Variants in GLIS3 observed in about 807,000 individuals in gnomAD.
GLIS3 encodes zinc finger protein GLIS3.
A neutral mutation model predicts 78.6 loss-of-function variants in GLIS3; 53 were observed. The observed-to-expected ratio is 0.67, with a 90% CI of 0.54 to 0.85. The LOEUF (loss-of-function observed/expected upper bound fraction) is 0.85, where lower values mean the gene tolerates loss of function less well. GLIS3 is among the 40% of genes least tolerant of loss of function. The probability of loss-of-function intolerance (pLI) is 0.00; values close to 1 mark genes in which losing one functional copy is unlikely to be tolerated. For synonymous variants in GLIS3, 684 were observed against 509.9 expected (o/e 1.34, Z -4.60); for missense variants, 1,703 against 1,231.1 (o/e 1.38, Z -5.74).
At chr9:4,384,310 A>T in the GLIS3 span, among the ~76,000 whole-genome samples, 4 of 151,426 alleles carry the variant, frequency 2.6e-5, no homozygotes, top group South Asian at 4.2e-4. Flanking sequence ...TTTAGATAAT[A>T]CTGTTCAGTT....
intron 4 of GLIS3, among the ~76,000 whole-genome samples, chr9:4,064,805 G>C (rs1168652203): frequency 6.6e-6 from 1 of 152,154 alleles, no homozygotes; most frequent in Non-Finnish European, 1.5e-5. Context: ...TTCTCATATA[G>C]GGAAGTAGGC....
At chr9:4,132,046 T>C (rs1401867643) in intron 2 of GLIS3, among the ~76,000 whole-genome samples, 1 of 151,228 alleles carries the variant, frequency 6.6e-6, no homozygotes, top group Non-Finnish European at 1.5e-5. Context: ...GCCAATGTTT[T>C]TTTTAAAAAA....
intron 4 of GLIS3, among the ~76,000 whole-genome samples, chr9:4,006,304 CAAAAAAAA>C (rs71497513): frequency 1.2e-4 from 4 of 32,548 alleles, no homozygotes; most frequent in African/African-American, 2.0e-4. Context: ...TCATATGTCT[CAAAAAAAA>C]AAAAAAAAAA....
intron 4 of GLIS3, among the ~76,000 whole-genome samples, chr9:4,034,175 C>T (rs1284810475): frequency 6.6e-6 from 1 of 152,044 alleles, no homozygotes. Context: ...TCTCAGTGAT[C>T]ACACCACTTG....
At position 4,107,799 on chromosome 9, in the gene GLIS3, C is replaced by T. The variant is rs538126730; in HGVS notation, c.1710+9969G>A. On this transcript the variant is annotated intron_variant, in intron 4 of 10. Coordinates refer to ENST00000381971, the MANE Select transcript of GLIS3 (RefSeq NM_001042413.2). Reference sequence around the variant, plus strand: ...GCATCATTTTCTGAGGAGCCAGAGACAACAAACTGTTCTTTTCTTTCCTAT... The same window carrying T: ...GCATCATTTTCTGAGGAGCCAGAGATAACAAACTGTTCTTTTCTTTCCTAT... Among the ~76,000 whole-genome samples, 4 of 150,498 alleles carry T rather than the reference C, an allele frequency of 2.7e-5. No individual in the cohort carries two copies. The East Asian group carries it at 7.8e-4, about 29-fold the overall frequency.
rs780898395 is a variant in GLIS3, at chr9:4,117,862, G to A, written c.1616C>T (p.Ala539Val). The change falls in exon 4 of 11, where the codon GCC becomes GTC. Residue 539 changes from alanine (A) to valine (V), a missense_variant. Ala to Val is a moderately conservative substitution (Grantham distance 64, BLOSUM62 0). Transcript: ENST00000381971. ...GGGCTTGTATCTTCGAGGGCAACCG[G>A]CCCAGAAGCAAGTGAAGTCCTCCCC... ...RKGEDFTCFW[A>V]GCPRRYKPFN... 2.5e-6 allele frequency: 4 copies of A among 1,614,006 alleles called. No homozygotes were observed. Among genetic ancestry groups the A allele is most frequent in the African/African-American group, 1.3e-5 (1 of 74,914 alleles).
At chr9:4,418,709 C>CAA in the GLIS3 span, among the ~76,000 whole-genome samples, 3 of 150,556 alleles carry the variant, frequency 2.0e-5, no homozygotes, top group African/African-American at 7.3e-5. Context: ...AAAAAACAAA[C>CAA]AAAAAAAAAC....
intron 6 of GLIS3, among the ~76,000 whole-genome samples, chr9:3,913,065 C>T (rs948128147): frequency 2.0e-5 from 3 of 152,126 alleles, no homozygotes; most frequent in African/African-American, 7.2e-5. Context: ...TCCATCTTAC[C>T]AGCTCCGTAT....
intron 4 of GLIS3, among the ~76,000 whole-genome samples, chr9:4,063,089 C>CAA (rs57159762): frequency 8.7e-5 from 13 of 149,422 alleles, no homozygotes; most frequent in African/African-American, 3.2e-4. Flanking sequence ...TCCATATCTG[C>CAA]AAAAAAAAAC....
At chr9:3,984,524 A>T (rs1221134262) in intron 4 of GLIS3, among the ~76,000 whole-genome samples, 1 of 152,162 alleles carries the variant, frequency 6.6e-6, no homozygotes, top group African/African-American at 2.4e-5. Flanking sequence ...CTGTACCCCC[A>T]TCATATCTAG....
chr9:4,004,656 T>C (rs969677950), intron 4 of GLIS3, among the ~76,000 whole-genome samples: 7 of 152,130 alleles, frequency 4.6e-5, no homozygotes, highest in African/African-American at 1.7e-4. Flanking sequence ...CTCTCTTGGT[T>C]TAGGGGATAC....
At chr9:4,326,267 A>G (rs959739666) in intron 2 of GLIS3, among the ~76,000 whole-genome samples, 4 of 152,260 alleles carry the variant, frequency 2.6e-5, no homozygotes, top group African/African-American at 9.6e-5. Flanking sequence ...TGTTCACAGC[A>G]GCATCATTCA....
At chr9:4,451,092 T>A in the GLIS3 span, among the ~76,000 whole-genome samples, 3 of 152,172 alleles carry the variant, frequency 2.0e-5, no homozygotes, top group Admixed American at 2.0e-4. Flanking sequence ...GTGTGCTGTA[T>A]TCAGGAAACC....
intron 8 of GLIS3, among the ~76,000 whole-genome samples, chr9:3,862,597 C>G (rs1820288390): frequency 6.6e-6 from 1 of 152,134 alleles, no homozygotes. Context: ...TACTTTTCTT[C>G]ATTTGTACTG....
At chr9:4,140,960 A>G (rs1016116305) in intron 2 of GLIS3, among the ~76,000 whole-genome samples, 11 of 152,132 alleles carry the variant, frequency 7.2e-5, no homozygotes, top group Non-Finnish European at 1.6e-4. Context: ...CACCACGCTC[A>G]GCTAATTTTT....
intron 4 of GLIS3, among the ~76,000 whole-genome samples, chr9:4,042,314 G>C (rs905547220): frequency 6.6e-6 from 1 of 152,180 alleles, no homozygotes; most frequent in Admixed American, 6.5e-5. Context: ...CAGCAGAATA[G>C]AGAAGTGAAA....
intron 4 of GLIS3, among the ~76,000 whole-genome samples, chr9:4,012,765 C>CTTTTTTTTTTTTTTTTTTTTTTTT (rs71324278): frequency 4.5e-5 from 3 of 66,498 alleles, no homozygotes; most frequent in Admixed American, 2.2e-4. Flanking sequence ...TTTTCTTTTT[C>CTTTTTTTTTTTTTTTTTTTTTTTT]TTTTTTTTTT....
chr9:3,874,251 C>T (rs1210502239), intron 8 of GLIS3, among the ~76,000 whole-genome samples: 1 of 152,144 alleles, frequency 6.6e-6, no homozygotes, highest in Non-Finnish European at 1.5e-5. Context: ...TAATCAATCA[C>T]GCCTATGTAA....
At chr9:4,259,762 G>A (rs942063167) in intron 2 of GLIS3, among the ~76,000 whole-genome samples, 2 of 152,196 alleles carry the variant, frequency 1.3e-5, no homozygotes, top group East Asian at 1.9e-4. Flanking sequence ...TTGTCACTGT[G>A]ACATGTGAGC....
Sources: allele counts gnomAD v4.1 joint callset (sites outside exome capture counted in the v4.1 genomes callset), GRCh38; gene constraint gnomAD v4.1.1; transcripts MANE v1.5; gene names NCBI Gene and HGNC (gene_info 2026-07-23, HGNC 2026-07-21).